WNT2B: variants seen among roughly 807,000 people sequenced by gnomAD.
WNT2B encodes the protein Wnt family member 2B.
Under a neutral mutation model 40.5 loss-of-function variants are expected in WNT2B, and 19 were observed. The observed-to-expected ratio is 0.47, with a 90% CI of 0.33 to 0.69. The LOEUF (loss-of-function observed/expected upper bound fraction) is 0.69. WNT2B is among the 30% of genes least tolerant of loss of function. WNT2B has a pLI of 0.02. For synonymous variants in WNT2B, 220 were observed against 211.9 expected (o/e 1.04, Z -0.33); for missense variants, 467 against 556.4 (o/e 0.84, Z 1.62).
rs1413014300 is a variant in WNT2B, at chr1:112,523,177, G to T, written c.*2668G>T. On this transcript the variant is annotated 3_prime_UTR_variant, in exon 5 of 5. Transcript: ENST00000369684. The stretch of plus-strand genomic sequence containing the variant: ...CCCTACTCTCTATTCTTTGGTTTTT[G>T]GTTCTCATCCCTGTGGAAGGAAATG... 1.3e-5 allele frequency: 2 copies of T among 152,160 alleles called. No individual in the cohort carries two copies. The highest frequency in any genetic ancestry group is 1.3e-4 in the Admixed American group (2 of 15,284). The allele number at this position is 152,160 out of a possible 1,614,324, so 9.4% of individuals were successfully genotyped here.
At chr1:112,486,672 CAATAAAAATAGGGGA>C (rs1651428406) in intron 1 of WNT2B, among the ~76,000 whole-genome samples, 1 of 150,310 alleles carries the variant, frequency 6.7e-6, no homozygotes, top group African/African-American at 2.4e-5. Context: ...AAAAAAAACC[CAATAAAAATAGGGGA>C]AATATTTTAC....
Position 112,517,292 on chromosome 1 carries a change from A to G in WNT2B, c.853A>G (p.Thr285Ala). 6.2e-7 allele frequency: 1 copy of G among 1,614,118 alleles called. No homozygotes were observed. The highest frequency in any genetic ancestry group is 8.5e-7 in the Non-Finnish European group (1 of 1,179,996). The part of the protein sequence containing the change: ...VMATQDGANF[T>A]AARQGYRRAT... ...GGCCACCCAAGATGGTGCCAACTTC[A>G]CCGCAGCCCGCCAAGGCTATCGCCG... The change falls in exon 4 of 5, where the codon ACC becomes GCC. Residue 285 changes from threonine to alanine, a missense_variant. Physicochemically the swap from Thr to Ala is moderately conservative, Grantham distance 58. Coordinates refer to ENST00000369684, the MANE Select transcript of WNT2B (RefSeq NM_024494.3).
chr1:112,492,714 G>A (rs1419381279), intron 1 of WNT2B, among the ~76,000 whole-genome samples: 1 of 152,132 alleles, frequency 6.6e-6, no homozygotes, highest in African/African-American at 2.4e-5. Context: ...CAAACTAGGG[G>A]AAGGAAAATA....
At chr1:112,485,484 G>A (rs1017572915) in intron 1 of WNT2B, among the ~76,000 whole-genome samples, 1 of 150,192 alleles carries the variant, frequency 6.7e-6, no homozygotes, top group African/African-American at 2.5e-5. Flanking sequence ...AAAGGTTATG[G>A]TCATGAAGAC....
upstream of WNT2B, among the ~76,000 whole-genome samples, chr1:112,505,444 A>G (rs1289235488): frequency 1.3e-5 from 2 of 152,208 alleles, no homozygotes; most frequent in Non-Finnish European, 2.9e-5. Flanking sequence ...ACTTGACTCC[A>G]TGCAGGGTTC....
rs1652822054 is a variant in WNT2B, at chr1:112,520,617, T to TA, written c.*108_*109insA. The stretch of plus-strand genomic sequence containing the variant: ...CCCTCCACCCTGGGCTGCTACCGCT[T>TA]CTATTTAAGGATGTAGAGAGTAATC... On this transcript the variant is annotated 3_prime_UTR_variant, in exon 5 of 5. Transcript: ENST00000369684. 3.5e-6 allele frequency: 4 copies of TA among 1,157,360 alleles called. No homozygotes were observed. Among genetic ancestry groups the TA allele is most frequent in the Non-Finnish European group, 5.0e-6 (4 of 803,796 alleles). The allele number at this position is 1,157,360 out of a possible 1,614,324, so 71.7% of individuals were successfully genotyped here. A position where few individuals can be genotyped will look rare whatever the true frequency, so the allele number is the denominator to read the frequency against.
Position 112,520,600 on chromosome 1 carries a change from C to A in WNT2B, c.*91C>A. The A allele has an allele frequency of 7.6e-7, 1 of 1,310,682 alleles. No individual in the cohort carries two copies. Among genetic ancestry groups the A allele is most frequent in the Non-Finnish European group, 1.1e-6 (1 of 934,664 alleles). The allele number at this position is 1,310,682 out of a possible 1,614,324, so 81.2% of individuals were successfully genotyped here. On this transcript the variant is annotated 3_prime_UTR_variant, in exon 5 of 5. Transcript: ENST00000369684. ...ATGCACACCTTCCTCCACCCTCCAC[C>A]CTGGGCTGCTACCGCTTCTATTTAA... is the stretch of plus-strand genomic sequence containing the variant.
At chr1:112,470,751 C>A (rs1196693135) in intron 1 of WNT2B, among the ~76,000 whole-genome samples, 1 of 152,180 alleles carries the variant, frequency 6.6e-6, no homozygotes, top group East Asian at 1.9e-4. Context: ...CACTTGGGCT[C>A]CTGGTGGCAG....
At chr1:112,503,338 C>T (rs550025660) in intron 1 of WNT2B, among the ~76,000 whole-genome samples, 1 of 152,156 alleles carries the variant, frequency 6.6e-6, no homozygotes, top group Non-Finnish European at 1.5e-5. Context: ...AAGTGATTTA[C>T]AGAGTCATGC....
chr1:112,484,274 TATATATATATATATATACAC>T (rs1456703124), intron 1 of WNT2B, among the ~76,000 whole-genome samples: 1 of 124,768 alleles, frequency 8.0e-6, no homozygotes, highest in Non-Finnish European at 1.6e-5. Flanking sequence ...TATATACACA[TATATATATATATATATACAC>T]ACACATATAT....
intron 4 of WNT2B, chr1:112,517,728 C>G (rs1652631224): frequency 8.7e-6 from 2 of 229,970 alleles, no homozygotes; most frequent in South Asian, 1.3e-4. Flanking sequence ...ACATAAGATG[C>G]AGCCCTAAGC....
At chr1:112,485,332 G>T (rs1651378447) in intron 1 of WNT2B, among the ~76,000 whole-genome samples, 1 of 151,976 alleles carries the variant, frequency 6.6e-6, no homozygotes, top group Non-Finnish European at 1.5e-5. Flanking sequence ...ATGGTGACAG[G>T]TGCCTGTAAT....
intron 1 of WNT2B, among the ~76,000 whole-genome samples, chr1:112,483,207 CACACACACACACACAT>C (rs1349356339): frequency 0.04 from 3,906 of 97,142 alleles, 173 homozygotes; most frequent in African/African-American, 0.15. Context: ...CACACACACA[CACACACACACACACAT>C]ATACACACAC....
intron 1 of WNT2B, among the ~76,000 whole-genome samples, chr1:112,502,390 A>G (rs1444297454): frequency 2.6e-5 from 4 of 152,218 alleles, no homozygotes; most frequent in African/African-American, 4.8e-5. Flanking sequence ...TTTCCTCTGC[A>G]AGACAGAGAC....
At chr1:112,490,141 A>G (rs1651551334) in intron 1 of WNT2B, among the ~76,000 whole-genome samples, 1 of 152,130 alleles carries the variant, frequency 6.6e-6, no homozygotes, top group East Asian at 1.9e-4. Context: ...CAAACAAGAG[A>G]GACACCTCGC....
chr1:112,496,823 C>T (rs1188932203), intron 1 of WNT2B, among the ~76,000 whole-genome samples: 1 of 152,114 alleles, frequency 6.6e-6, no homozygotes, highest in Non-Finnish European at 1.5e-5. Context: ...TGGTCTCGAA[C>T]TCACGACCTC....
chr1:112,526,507 AG>A lies in WNT2B; in HGVS notation c.*6000del. 6.3e-6 allele frequency: 1 copy of A among 159,162 alleles called. No homozygotes were observed. The highest frequency in any genetic ancestry group is 1.8e-4 in the South Asian group (1 of 5,440). 9.9% of individuals were successfully genotyped at this position (159,162 alleles called of 1,614,324 possible). A position where few individuals can be genotyped will look rare whatever the true frequency, so the allele number is the denominator to read the frequency against. On this transcript the variant is annotated 3_prime_UTR_variant, in exon 5 of 5. Transcript: ENST00000369684. ...GTAATCCCAGCACTTTGGGAGGCCG[AG>A]GTGGGGCAGATCACGAGGTCAGGAG...
chr1:112,517,414 C>T, intron 4 of WNT2B, 29 bp downstream of exon 4: 1 of 1,581,608 alleles, frequency 6.3e-7, no homozygotes, highest in Non-Finnish European at 8.6e-7. Flanking sequence ...CAGGGACATG[C>T]AGTCCCAGTT....
rs768819677 is a variant in WNT2B at position 112,517,301 on chromosome 1, C to T, written c.862C>T (p.Arg288Cys). The change falls in exon 4 of 5, where the codon CGC (arginine) becomes TGC (cysteine). Residue 288 changes from arginine to cysteine, a missense_variant. By Grantham distance (180) the Arg-to-Cys change is radical. This residue lies in a region of WNT2B where 330 missense variants were observed against 438.6 expected (regional missense o/e 0.75). Transcript: ENST00000369684. ...TQDGANFTAA[R>C]QGYRRATRTD... is the part of the protein sequence containing the mutation. The stretch of plus-strand genomic sequence containing the variant: ...AGATGGTGCCAACTTCACCGCAGCC[C>T]GCCAAGGCTATCGCCGTGCCACCCG... 2.5e-5 allele frequency: 41 copies of T among 1,614,088 alleles called. No homozygotes were observed. The South Asian group carries it at 3.3e-4, about 13-fold the overall frequency.
Sources: gnomAD v4.1 joint callset for allele counts (sites outside exome capture counted in the v4.1 genomes callset) on GRCh38, gnomAD v4.1.1 for gene constraint, gnomAD v4.1.1 regional missense constraint, MANE v1.5 for transcripts, NCBI Gene and HGNC (gene_info 2026-07-23, HGNC 2026-07-21) for gene names.